The following FAM186A variants were observed in gnomAD, a reference collection of about 807,000 sequenced individuals.
The protein encoded by FAM186A is protein FAM186A.
In FAM186A, 163 loss-of-function variants were observed where a neutral mutation model predicts 216.8. That is an observed-to-expected ratio of 0.75 (90% CI 0.66 to 0.86). The LOEUF (loss-of-function observed/expected upper bound fraction) is 0.86. Among genes scored for constraint, FAM186A ranks in the 40% least tolerant of loss-of-function variants. The probability of loss-of-function intolerance (pLI) is 0.00; values close to 1 mark genes in which losing one functional copy is unlikely to be tolerated. For missense variants in FAM186A, 2,184 were observed against 2,746.2 expected (o/e 0.80, Z 4.58); for synonymous variants, 805 against 1,025.3 (o/e 0.79, Z 4.10).
chr12:50,358,167 G>C (rs1942996864), intron 3 of FAM186A, among the ~76,000 whole-genome samples: 1 of 151,960 alleles, frequency 6.6e-6, no homozygotes, highest in African/African-American at 2.4e-5. Flanking sequence ...AAAAAAAATT[G>C]ATACATTTAT....
At position 50,378,573 on chromosome 12, in the gene FAM186A, T is replaced by C. The variant is rs1358572663; in HGVS notation, c.193-15209A>G. Among the ~76,000 whole-genome samples the C allele has an allele frequency of 5.0e-3, 60 of 12,094 alleles. 2 individuals are homozygous for C. Among genetic ancestry groups the C allele is most frequent in the Non-Finnish European group, 0.033 (17 of 518 alleles). The allele number at this position is 12,094 out of a possible 152,430, so 7.9% of individuals were successfully genotyped here. ...TATGTAAATTGTATATATATATATA[T>C]ACACATATGTAAATTGTATATATAT... On this transcript the variant is annotated intron_variant, in intron 1 of 7. Transcript: ENST00000327337.
Position 50,331,824 on chromosome 12 carries a change from A to G in FAM186A, c.6697-3T>C, listed in dbSNP as rs1565878002. On this transcript the variant is annotated splice_polypyrimidine_tract_variant and splice_region_variant and intron_variant, in intron 5 of 7. Transcript: ENST00000327337. ...TTCAATTCATGTATCTTTTTGAGCT[A>G]TAAAAAAAAATAGATCAGAAAAAGG... 21 of 1,515,090 alleles carry G rather than the reference A, an allele frequency of 1.4e-5. No individual in the cohort carries two copies. The highest frequency in any genetic ancestry group is 2.5e-5 in the East Asian group (1 of 40,654). 93.9% of individuals were successfully genotyped at this position (1,515,090 alleles called of 1,614,324 possible).
At chr12:50,362,093 C>A (rs1386002917) in intron 2 of FAM186A, among the ~76,000 whole-genome samples, 2 of 152,056 alleles carry the variant, frequency 1.3e-5, no homozygotes, top group Non-Finnish European at 2.9e-5. Context: ...CTGCCTCAGC[C>A]TCCCGAGTAG....
intron 1 of FAM186A, among the ~76,000 whole-genome samples, chr12:50,368,245 T>C (rs1943109610): frequency 6.7e-6 from 1 of 150,338 alleles, no homozygotes; most frequent in African/African-American, 2.5e-5. Context: ...TTACTAGAAA[T>C]ACAAAAATTA....
rs907362701 is a variant in FAM186A, at chr12:50,360,741, A to G, written c.583+15T>C. 2.0e-6 allele frequency: 3 copies of G among 1,507,966 alleles called. No individual in the cohort carries two copies. In the African/African-American group the frequency reaches 4.2e-5, roughly 21 times the overall value. 93.4% of individuals were successfully genotyped at this position (1,507,966 alleles called of 1,614,324 possible). ...CTCCATCTACTCCAACTCCAAAATC[A>G]TAAAGCACCCTTACATATTTTTTTC... On this transcript the variant is annotated intron_variant, in intron 3 of 7. Coordinates refer to ENST00000327337, the MANE Select transcript of FAM186A (RefSeq NM_001145475.3).
At chr12:50,376,247 G>A (rs904242308) in intron 1 of FAM186A, among the ~76,000 whole-genome samples, 1 of 152,184 alleles carries the variant, frequency 6.6e-6, no homozygotes, top group East Asian at 1.9e-4. Flanking sequence ...ATGTGTTACA[G>A]CTCTTTTAGC....
chr12:50,391,100 T>C (rs1412166776), intron 1 of FAM186A, among the ~76,000 whole-genome samples: 3 of 151,968 alleles, frequency 2.0e-5, no homozygotes, highest in Admixed American at 6.6e-5. Flanking sequence ...GCAATTTTCC[T>C]GCCTCAGCCT....
chr12:50,344,641 C>A (rs1360291988), intron 4 of FAM186A, among the ~76,000 whole-genome samples: 1 of 152,020 alleles, frequency 6.6e-6, no homozygotes, highest in East Asian at 1.9e-4. Context: ...AATGGGATTG[C>A]TGGGTCAAGT....
In FAM186A at chr12:50,331,817, T is replaced by C; in HGVS notation, c.6701A>G (p.Lys2234Arg). The change falls in exon 6 of 8, where the codon AAA becomes AGA. Residue 2234 changes from lysine to arginine, a missense_variant. By Grantham distance (26) the Lys-to-Arg change is conservative. Transcript: ENST00000327337. ...KKMIHVFNQLKKIHELNLSQP... is the reference protein window; with the variant it reads ...KKMIHVFNQLRKIHELNLSQP... ...ACTAAGATTCAATTCATGTATCTTT[T>C]TGAGCTATAAAAAAAAATAGATCAG... 5 of 1,520,008 alleles carry C rather than the reference T, an allele frequency of 3.3e-6. No homozygotes were observed. The highest frequency in any genetic ancestry group is 4.4e-6 in the Non-Finnish European group (5 of 1,139,294). The allele number at this position is 1,520,008 out of a possible 1,614,324, so 94.2% of individuals were successfully genotyped here. A position where few individuals can be genotyped will look rare whatever the true frequency, so the allele number is the denominator to read the frequency against.
At chr12:50,357,230 C>G (rs1445636915) in intron 3 of FAM186A, among the ~76,000 whole-genome samples, 24 of 151,652 alleles carry the variant, frequency 1.6e-4, no homozygotes, top group Admixed American at 1.6e-3. Flanking sequence ...CACATTTGGC[C>G]AGGCGCAATG....
chr12:50,335,967 A>G (rs1311250638), intron 4 of FAM186A, among the ~76,000 whole-genome samples: 3 of 151,910 alleles, frequency 2.0e-5, no homozygotes, highest in Admixed American at 2.0e-4. Context: ...CTACTAAAAA[A>G]TACAAAAATT....
At chr12:50,350,054 T>C (rs1456184380) in intron 4 of FAM186A, among the ~76,000 whole-genome samples, 1 of 152,196 alleles carries the variant, frequency 6.6e-6, no homozygotes, top group Non-Finnish European at 1.5e-5. Flanking sequence ...TTGAAATTGA[T>C]GTTTTGGAGA....
At chr12:50,356,605 C>G (rs1942979746) in intron 3 of FAM186A, among the ~76,000 whole-genome samples, 1 of 152,212 alleles carries the variant, frequency 6.6e-6, no homozygotes, top group African/African-American at 2.4e-5. Flanking sequence ...GCCACAGTAC[C>G]TGGCAATCAC....
At chr12:50,395,630 T>C (rs1943405418) in intron 1 of FAM186A, among the ~76,000 whole-genome samples, 1 of 152,120 alleles carries the variant, frequency 6.6e-6, no homozygotes, top group Admixed American at 6.6e-5. Context: ...AAACACTCTT[T>C]CTATTCTCCT....
At chr12:50,391,051 C>A (rs1433944534) in intron 1 of FAM186A, among the ~76,000 whole-genome samples, 1 of 151,614 alleles carries the variant, frequency 6.6e-6, no homozygotes, top group Admixed American at 6.6e-5. Context: ...TGTAGTGGTG[C>A]GATTGTGGCT....
intron 1 of FAM186A, among the ~76,000 whole-genome samples, chr12:50,373,590 A>G (rs6580746): frequency 0.96 from 146,178 of 152,226 alleles, 70,454 homozygotes; most frequent in East Asian, 1. Context: ...AAAATGCTTC[A>G]TAAGATTTTC....
In FAM186A at chr12:50,355,460, A is replaced by G. The variant is rs762608538; in HGVS notation, c.1372T>C (p.Trp458Arg). ...QEDETDEYQS[W>R]KRSHKKATYV... is the part of the protein sequence containing the mutation. ...GTGGCTTTTTTGTGGCTTCTTTTCC[A>G]TGATTGATACTCATCAGTCTCATCT... The change falls in exon 4 of 8, where the codon TGG (tryptophan) becomes CGG (arginine). Residue 458 changes from tryptophan to arginine, a missense_variant. Trp to Arg is a moderately radical substitution (Grantham distance 101). Coordinates refer to ENST00000327337, the MANE Select transcript of FAM186A (RefSeq NM_001145475.3). The G allele has an allele frequency of 8.4e-6, 13 of 1,550,994 alleles. No individual in the cohort carries two copies. The highest frequency in any genetic ancestry group is 1.1e-5 in the Non-Finnish European group (13 of 1,146,920).
chr12:50,350,833 G>C lies in FAM186A; in HGVS notation c.5999C>G (p.Thr2000Ser), dbSNP rs1942869808. ...MSEVSDTSEETQILRDTFAIE... is the reference protein window; with the variant it reads ...MSEVSDTSEESQILRDTFAIE... The stretch of plus-strand genomic sequence containing the variant: ...AGCAAAAGTGTCTCGAAGTATCTGG[G>C]TTTCTTCGGAAGTGTCAGAGACCTC... The change falls in exon 4 of 8, where the codon ACC becomes AGC. Residue 2000 changes from threonine (T) to serine (S), a missense_variant. Physicochemically the swap from Thr to Ser is moderately conservative, Grantham distance 58. Transcript: ENST00000327337. 1 of 1,551,572 alleles carries C rather than the reference G, an allele frequency of 6.4e-7. No homozygotes were observed. Among genetic ancestry groups the C allele is most frequent in the African/African-American group, 1.4e-5 (1 of 73,042 alleles).
rs1565882988 is a variant in FAM186A, at chr12:50,350,521, C to G, written c.6311G>C (p.Arg2104Thr). The G allele has an allele frequency of 1.9e-6, 3 of 1,551,434 alleles. No individual in the cohort carries two copies. The Admixed American group carries it at 5.9e-5, about 30-fold the overall frequency. ...CTGAGCCTCCACATCAACAAAATAC[C>G]TCTTTTCTTCAAGTTCTTGAGGAGA... is the stretch of plus-strand genomic sequence containing the variant. ...PSSPQELEEK[R>T]YFVDVEAQKK... The change falls in exon 4 of 8, where the codon AGG becomes ACG. Residue 2104 changes from arginine to threonine, a missense_variant. Physicochemically the swap from Arg to Thr is moderately conservative, Grantham distance 71. Coordinates refer to ENST00000327337, the MANE Select transcript of FAM186A (RefSeq NM_001145475.3).
Sources: gnomAD v4.1 joint callset for allele counts (sites outside exome capture counted in the v4.1 genomes callset) on GRCh38, gnomAD v4.1.1 for gene constraint, MANE v1.5 for transcripts, NCBI Gene and HGNC (gene_info 2026-07-23, HGNC 2026-07-21) for gene names.